VWA8: variants seen among roughly 807,000 people sequenced by gnomAD.
VWA8 encodes von Willebrand factor A domain-containing protein 8.
In VWA8, 221 loss-of-function variants were observed where a neutral mutation model predicts 241.5. That is an observed-to-expected ratio of 0.91 (90% CI 0.82 to 1.02). The LOEUF (loss-of-function observed/expected upper bound fraction) is 1.02. Ranked by LOEUF, VWA8 falls within the 50% of genes least tolerant of loss-of-function variation. VWA8 has a pLI of 0.00. For synonymous variants in VWA8, 852 were observed against 827.1 expected (o/e 1.03, Z -0.52); for missense variants, 2,322 against 2,328.7 (o/e 1.00, Z 0.06).
chr13:41,891,285 ACT>A (rs893418721), intron 5 of VWA8, 133 bp downstream of exon 5: 12 of 1,001,064 alleles, frequency 1.2e-5, no homozygotes, highest in African/African-American at 1.6e-5. Flanking sequence ...TAAATTCATG[ACT>A]CTAGCAATTT....
At chr13:41,950,131 C>G in intron 1 of VWA8, 118 bp from the exon 2 acceptor site, 1 of 562,076 alleles carries the variant, frequency 1.8e-6, no homozygotes, top group East Asian at 3.1e-5. Flanking sequence ...TACTACGCAG[C>G]TGTCTATAAG....
At chr13:41,652,140 CCCTCCTGGCCTGTGTCCCCATCCACATTG>C (rs1275241366) in intron 37 of VWA8, among the ~76,000 whole-genome samples, 1 of 152,172 alleles carries the variant, frequency 6.6e-6, no homozygotes, top group Non-Finnish European at 1.5e-5. Context: ...TCACCTGAGA[CCCTCCTGGCCTGTGTCCCCATCCACATTG>C]CCTGTCTGGC....
rs544747784 is a variant in VWA8, at chr13:41,923,790, G to T, written c.242-11622C>A. On this transcript the variant is annotated intron_variant, in intron 2 of 44. Transcript: ENST00000379310. ...GACCACCAAGACACCTGTAGTCATTGCTGAAATTGATCATAACTAAAGAAG... is the reference window on the plus strand; with the variant it reads ...GACCACCAAGACACCTGTAGTCATTTCTGAAATTGATCATAACTAAAGAAG... 1.4e-4 allele frequency among the ~76,000 whole-genome samples: 22 copies of T among 151,938 alleles called. No individual in the cohort carries two copies. In the South Asian group the frequency reaches 4.2e-3, roughly 29 times the overall value.
At chr13:41,927,067 C>T (rs569546108) in intron 2 of VWA8, 34 of 378,986 alleles carry the variant, frequency 9.0e-5, no homozygotes, top group African/African-American at 3.6e-4. Flanking sequence ...AAGAGATAAG[C>T]GATGCCTAAA....
intron 2 of VWA8, among the ~76,000 whole-genome samples, chr13:41,937,168 C>T (rs1877389909): frequency 6.6e-6 from 1 of 152,124 alleles, no homozygotes; most frequent in Non-Finnish European, 1.5e-5. Flanking sequence ...CAGTCACCAA[C>T]CTTTTTGATA....
At chr13:41,751,806 C>A (rs983105264) in intron 21 of VWA8, among the ~76,000 whole-genome samples, 1 of 152,114 alleles carries the variant, frequency 6.6e-6, no homozygotes, top group Non-Finnish European at 1.5e-5. Flanking sequence ...AGAACACTTA[C>A]ATAACAGTTA....
chr13:41,691,854 C>T lies in VWA8; in HGVS notation c.3740+20G>A, dbSNP rs374161797. 7 of 1,575,044 alleles carry T rather than the reference C, an allele frequency of 4.4e-6. No homozygotes were observed. In the South Asian group the frequency reaches 5.6e-5, roughly 13 times the overall value. On this transcript the variant is annotated intron_variant, in intron 31 of 44. Coordinates refer to ENST00000379310, the MANE Select transcript of VWA8 (RefSeq NM_015058.2). Reference sequence around the variant, plus strand: ...CCAAATAAGAACTCCAGTTTAAATCCTCTATAATAAAGAGCTCACCCTTTT... The same window carrying T: ...CCAAATAAGAACTCCAGTTTAAATCTTCTATAATAAAGAGCTCACCCTTTT...
intron 37 of VWA8, among the ~76,000 whole-genome samples, chr13:41,649,109 C>T (rs1016221045): frequency 6.6e-6 from 1 of 152,102 alleles, no homozygotes; most frequent in Non-Finnish European, 1.5e-5. Context: ...CACTTGAACC[C>T]GGGAGGCGGA....
intron 19 of VWA8, 77 bp from the exon 20 acceptor site, chr13:41,778,133 T>C: frequency 9.9e-7 from 1 of 1,006,140 alleles, no homozygotes; most frequent in Non-Finnish European, 1.4e-6. Context: ...AAAGATATCT[T>C]TATAGAATAT....
chr13:41,822,087 T>G (rs1392322415), intron 14 of VWA8, among the ~76,000 whole-genome samples: 2 of 152,142 alleles, frequency 1.3e-5, no homozygotes, highest in Non-Finnish European at 2.9e-5. Flanking sequence ...TTGATATTGG[T>G]GATGGTTTCA....
chr13:41,665,557 A>C (rs2044980248), intron 37 of VWA8, among the ~76,000 whole-genome samples: 1 of 150,506 alleles, frequency 6.6e-6, no homozygotes, highest in Admixed American at 6.6e-5. Context: ...AATGTAAGTA[A>C]TTAAGTACAT....
At chr13:41,704,821 C>T (rs1265567807) in intron 26 of VWA8, among the ~76,000 whole-genome samples, 1 of 152,012 alleles carries the variant, frequency 6.6e-6, no homozygotes, top group Non-Finnish European at 1.5e-5. Context: ...ATTGATTTGT[C>T]ATTTAATGCA....
At chr13:41,702,528 G>A (rs907685014) in intron 27 of VWA8, among the ~76,000 whole-genome samples, 1 of 152,292 alleles carries the variant, frequency 6.6e-6, no homozygotes, top group South Asian at 2.1e-4. Flanking sequence ...CTACTGTAAG[G>A]GTTGACAAAC....
intron 14 of VWA8, among the ~76,000 whole-genome samples, chr13:41,826,830 TG>T (rs1158435474): frequency 2.6e-5 from 4 of 151,996 alleles, no homozygotes; most frequent in African/African-American, 9.7e-5. Context: ...GCCGAGATTG[TG>T]CCACTGCACT....
intron 21 of VWA8, among the ~76,000 whole-genome samples, chr13:41,752,643 G>C (rs1179874872): frequency 6.6e-6 from 1 of 152,128 alleles, no homozygotes; most frequent in Non-Finnish European, 1.5e-5. Flanking sequence ...ATAAGACATA[G>C]AAACTACTAC....
rs1871573401 is a variant in VWA8, at chr13:41,833,508, T to C, written c.1449A>G (p.Leu483=). The C allele has an allele frequency of 3.1e-6, 5 of 1,612,284 alleles. No individual in the cohort carries two copies. The highest frequency in any genetic ancestry group is 3.4e-6 in the Non-Finnish European group (4 of 1,179,362). Residue 483 remains leucine (L), a synonymous_variant, in exon 13 of 45, where the codon CTA becomes CTG. Transcript: ENST00000379310. ...CATTTGGAAGGGTGTATCTCTGCTG[T>C]AGCAGATCACGCGCTGTCATATCCT... ...LYQDMTARDL[L]QQRYTLPNGD... is the part of the protein sequence containing the mutation.
chr13:41,948,639 G>A (rs867345583), intron 2 of VWA8, among the ~76,000 whole-genome samples: 5 of 152,170 alleles, frequency 3.3e-5, no homozygotes, highest in Admixed American at 6.5e-5. Flanking sequence ...TCGGTCAAAG[G>A]TAAAATGGTA....
At chr13:41,635,840 G>C (rs1342312377) in intron 37 of VWA8, among the ~76,000 whole-genome samples, 1 of 152,144 alleles carries the variant, frequency 6.6e-6, no homozygotes, top group African/African-American at 2.4e-5. Context: ...GACAGCGCAG[G>C]AGGGTGGAGA....
intron 43 of VWA8, among the ~76,000 whole-genome samples, chr13:41,574,592 CAA>C (rs967208582): frequency 6.6e-6 from 1 of 151,906 alleles, no homozygotes; most frequent in Non-Finnish European, 1.5e-5. Flanking sequence ...CACGTGGAAC[CAA>C]AAAAGAGCCC....
Sources: gnomAD v4.1 joint callset for allele counts (sites outside exome capture counted in the v4.1 genomes callset) on GRCh38, gnomAD v4.1.1 for gene constraint, MANE v1.5 for transcripts, NCBI Gene and HGNC (gene_info 2026-07-23, HGNC 2026-07-21) for gene names.